NRBP1: variants seen among roughly 807,000 people sequenced by gnomAD.
The protein encoded by NRBP1 is nuclear receptor-binding protein.
NRBP1 carries 10 observed loss-of-function variants against 76.0 expected under a neutral mutation model. The ratio of observed to expected loss-of-function variants is 0.13; its 90% CI spans 0.08 to 0.22. The LOEUF (loss-of-function observed/expected upper bound fraction) is 0.22, where lower values mean the gene tolerates loss of function less well. Ranked by LOEUF, NRBP1 falls within the 10% of genes least tolerant of loss-of-function variation. The probability of loss-of-function intolerance (pLI) is 1.00; values close to 1 mark genes in which losing one functional copy is unlikely to be tolerated. For synonymous variants in NRBP1, 235 were observed against 240.2 expected, an observed-to-expected ratio of 0.98 and a Z score of 0.20; for missense variants, 344 against 646.0, an observed-to-expected ratio of 0.53 and a Z score of 5.07.
At chr2:27,435,825 C>A (rs1285721971) in intron 7 of NRBP1, 2 of 717,046 alleles carry the variant, frequency 2.8e-6, no homozygotes, top group Non-Finnish European at 2.6e-6. Flanking sequence ...TGCATGCAGT[C>A]GTGGGAGCAA....
At chr2:27,431,379 TGAAA>T (rs1664109871) in intron 1 of NRBP1, among the ~76,000 whole-genome samples, 10 of 152,328 alleles carry the variant, frequency 6.6e-5, no homozygotes, top group Admixed American at 2.0e-4. Context: ...GCAATGTGAA[TGAAA>T]TGAAAGCTGG....
intron 1 of NRBP1, among the ~76,000 whole-genome samples, chr2:27,430,622 A>G (rs1185818215): frequency 6.6e-6 from 1 of 151,714 alleles, no homozygotes; most frequent in East Asian, 1.9e-4. Context: ...GACGTGCGCC[A>G]CCACACCCTG....
intron 5 of NRBP1, 45 bp from the exon 6 acceptor site, chr2:27,434,677 A>G (rs376855289): frequency 1.2e-6 from 2 of 1,611,964 alleles, no homozygotes; most frequent in Non-Finnish European, 1.7e-6. Flanking sequence ...GGAGAGAGTT[A>G]AGAGAGGGAA....
chr2:27,428,389 G>A (rs1663945951), upstream of NRBP1: 2 of 354,984 alleles, frequency 5.6e-6, no homozygotes, highest in African/African-American at 2.1e-5. Flanking sequence ...ACCATCTGGG[G>A]CACCTGGACC....
intron 11 of NRBP1, 55 bp from the exon 12 acceptor site, chr2:27,440,348 T>G (rs1260341): frequency 1.6e-6 from 2 of 1,245,436 alleles, no homozygotes; most frequent in Non-Finnish European, 2.4e-6. Flanking sequence ...CATGCCTTCT[T>G]TGACATTTAA....
rs762861252 is a variant in NRBP1, at chr2:27,441,296, A to G, written c.1413A>G (p.Lys471=). 2 of 1,613,840 alleles carry G rather than the reference A, an allele frequency of 1.2e-6. No homozygotes were observed. The highest frequency in any genetic ancestry group is 1.7e-6 in the Non-Finnish European group (2 of 1,179,988). ...HLTLLLKLED[K]LNRHLSCDLM... ...CACTTCTGCTGAAGTTGGAGGACAA[A>G]CTGAACCGGCACCTGAGCTGTGACC... is the stretch of plus-strand genomic sequence containing the variant. Residue 471 remains lysine, a synonymous_variant, in exon 16 of 18, where the codon AAA becomes AAG. Transcript: ENST00000379852.
chr2:27,431,458 G>A (rs1664113260), intron 1 of NRBP1, among the ~76,000 whole-genome samples: 1 of 152,102 alleles, frequency 6.6e-6, no homozygotes, highest in South Asian at 2.1e-4. Context: ...TATTTTGTTT[G>A]TTATTGTATC....
At chr2:27,439,995 CTTTTTTTTTTTTTTTTTTTTTT>C (rs70953859) in intron 11 of NRBP1, 97 bp downstream of exon 11, 42,359 of 451,872 alleles carry the variant, frequency 0.094, 798 homozygotes, top group South Asian at 0.13. Flanking sequence ...CAAAGGGATT[CTTTTTTTTTTTTTTTTTTTTTT>C]TTTTTTTTTT....
At chr2:27,434,920 C>G in intron 6 of NRBP1, 158 bp downstream of exon 6, 1 of 749,512 alleles carries the variant, frequency 1.3e-6, no homozygotes, top group South Asian at 1.6e-5. Flanking sequence ...TTAAAGGGTG[C>G]GTCCTAATGC....
chr2:27,440,279 G>C (rs1664484220), intron 11 of NRBP1, 124 bp from the exon 12 acceptor site: 1 of 722,036 alleles, frequency 1.4e-6, no homozygotes, highest in South Asian at 1.7e-5. Flanking sequence ...AAAGTGCTGG[G>C]ATTACAGGCA....
intron 7 of NRBP1, chr2:27,436,220 G>A: frequency 4.6e-6 from 1 of 217,264 alleles, no homozygotes; most frequent in Non-Finnish European, 9.3e-6. Context: ...GTTTCACTCA[G>A]CAAAGGTGGG....
upstream of NRBP1, chr2:27,428,501 G>A (rs1663951612): frequency 7.6e-6 from 3 of 395,066 alleles, no homozygotes; most frequent in Non-Finnish European, 1.3e-5. Flanking sequence ...GAGAGCGGGT[G>A]GAAGCCCACC....
rs1664606554 is a variant in NRBP1, at chr2:27,442,092, G to A, written c.*280G>A. ...GCTAGTCGCTGATCTGCCGGCTCCC[G>A]CCCAGCCTGTGTGGAAAGGAGGCCC... On this transcript the variant is annotated 3_prime_UTR_variant, in exon 18 of 18. Coordinates refer to ENST00000379852, the MANE Select transcript of NRBP1 (RefSeq NM_013392.4). 5.6e-6 allele frequency: 3 copies of A among 532,818 alleles called. No individual in the cohort carries two copies. Among genetic ancestry groups the A allele is most frequent in the African/African-American group, 3.9e-5 (2 of 50,926 alleles). 33.0% of individuals were successfully genotyped at this position (532,818 alleles called of 1,614,324 possible).
At chr2:27,435,618 G>C in intron 7 of NRBP1, 1 of 715,364 alleles carries the variant, frequency 1.4e-6, no homozygotes, top group Non-Finnish European at 2.6e-6. Flanking sequence ...TGCTGTGTCT[G>C]TGTGGTATTT....
At chr2:27,440,093 C>G (rs1282798760) in intron 11 of NRBP1, among the ~76,000 whole-genome samples, 195 bp downstream of exon 11, 1 of 140,432 alleles carries the variant, frequency 7.1e-6, no homozygotes, top group African/African-American at 2.5e-5. Context: ...CTCATTGCAA[C>G]CTCCAGCTCC....
intron 10 of NRBP1, among the ~76,000 whole-genome samples, chr2:27,438,873 T>TG (rs1262162079): frequency 6.6e-6 from 1 of 152,010 alleles, no homozygotes; most frequent in African/African-American, 2.4e-5. Context: ...GTGGGAGGAT[T>TG]GCTTGAGCCC....
In NRBP1 at chr2:27,428,758, G is replaced by C. The variant is rs1315720958; in HGVS notation, c.-21+27G>C. On this transcript the variant is annotated intron_variant, in intron 1 of 17. Transcript: ENST00000379852. ...TGAGCGCCCAGGGAAAAGAGGGCCCGGGAGGGAGGGGTTCGCGAGAGGACG... is the reference window on the plus strand; with the variant it reads ...TGAGCGCCCAGGGAAAAGAGGGCCCCGGAGGGAGGGGTTCGCGAGAGGACG... 4 of 397,918 alleles carry C rather than the reference G, an allele frequency of 1.0e-5. No homozygotes were observed. In the Admixed American group the frequency reaches 1.8e-4, roughly 18 times the overall value. 24.6% of individuals were successfully genotyped at this position (397,918 alleles called of 1,614,324 possible). A position where few individuals can be genotyped will look rare whatever the true frequency, so the allele number is the denominator to read the frequency against.
In NRBP1 at chr2:27,441,581, G is replaced by A. The variant is rs781330388; in HGVS notation, c.1462G>A (p.Glu488Lys). The change falls in exon 17 of 18, where the codon GAG becomes AAG. Residue 488 changes from glutamate (E) to lysine (K), a missense_variant. Glu to Lys is a moderately conservative substitution (Grantham distance 56). This residue lies in a region of NRBP1 where 218 missense variants were observed against 309.8 expected (regional missense o/e 0.70). Transcript: ENST00000379852. ...CDLMPNENIPELAAELVQLGF... is the reference protein window; with the variant it reads ...CDLMPNENIPKLAAELVQLGF... Reference sequence around the variant, plus strand: ...TTCTTTGTCAGATGAGAATATCCCCGAGTTGGCGGCTGAGCTGGTGCAGCT... The same window carrying A: ...TTCTTTGTCAGATGAGAATATCCCCAAGTTGGCGGCTGAGCTGGTGCAGCT... The A allele has an allele frequency of 1.9e-6, 3 of 1,613,950 alleles. No homozygotes were observed. Among genetic ancestry groups the A allele is most frequent in the South Asian group, 1.1e-5 (1 of 91,086 alleles).
chr2:27,433,116 T>TGATC, intron 1 of NRBP1, 138 bp from the exon 2 acceptor site: 1 of 572,928 alleles, frequency 1.7e-6, no homozygotes, highest in African/African-American at 1.9e-5. Context: ...TGACCTCAGG[T>TGATC]GATCTGCCCA....
Sources: allele counts gnomAD v4.1 joint callset (sites outside exome capture counted in the v4.1 genomes callset), GRCh38; gene constraint gnomAD v4.1.1; regional missense constraint gnomAD v4.1.1; transcripts MANE v1.5; gene names NCBI Gene and HGNC (gene_info 2026-07-23, HGNC 2026-07-21).